The following SLC27A6 variants were observed in gnomAD, a reference collection of about 807,000 sequenced individuals.
The protein encoded by SLC27A6 is long-chain fatty acid transport protein 6.
In SLC27A6, 74 loss-of-function variants were observed where a neutral mutation model predicts 63.9. The observed-to-expected ratio is 1.16, with a 90% confidence interval of 0.96 to 1.40. The LOEUF is 1.40. Ranked by LOEUF, SLC27A6 falls within the 40% of genes most tolerant of loss-of-function variation. SLC27A6 has a pLI of 0.00. For synonymous variants in SLC27A6, 287 were observed against 260.8 expected (o/e 1.10, Z -0.97); for missense variants, 794 against 732.9 (o/e 1.08, Z -0.96).
At chr5:128,985,774 G>A (rs563403451) in intron 2 of SLC27A6, among the ~76,000 whole-genome samples, 5 of 152,136 alleles carry the variant, frequency 3.3e-5, no homozygotes, top group African/African-American at 4.8e-5. Flanking sequence ...GTGTTTTAAT[G>A]TACTTGAAAA....
chr5:129,031,709 T>C (rs140113102), intron 9 of SLC27A6, among the ~76,000 whole-genome samples: 3 of 152,142 alleles, frequency 2.0e-5, no homozygotes, highest in Non-Finnish European at 4.4e-5. Flanking sequence ...TGAGACCTTA[T>C]AAAACAATTT....
intron 4 of SLC27A6, among the ~76,000 whole-genome samples, chr5:129,012,587 C>T (rs1751760929): frequency 6.6e-6 from 1 of 152,038 alleles, no homozygotes; most frequent in Admixed American, 6.6e-5. Context: ...TATTTTAGCT[C>T]TGTCCATTTT....
chr5:129,017,615 A>G (rs1283848111), intron 5 of SLC27A6, among the ~76,000 whole-genome samples: 1 of 152,138 alleles, frequency 6.6e-6, no homozygotes, highest in Non-Finnish European at 1.5e-5. Context: ...TTAAAAAGTA[A>G]ATCGATTCTG....
intron 4 of SLC27A6, among the ~76,000 whole-genome samples, chr5:129,000,654 CA>C (rs1419790931): frequency 2.0e-5 from 3 of 152,164 alleles, no homozygotes; most frequent in Admixed American, 1.3e-4. Flanking sequence ...TGGGACCCTG[CA>C]CTTTTTGGAA....
intron 1 of SLC27A6, among the ~76,000 whole-genome samples, chr5:128,978,272 T>G (rs1321944550): frequency 6.6e-6 from 1 of 152,220 alleles, no homozygotes; most frequent in Non-Finnish European, 1.5e-5. Flanking sequence ...AAAGTGGAAT[T>G]GACAGTCTCA....
chr5:128,972,860 A>T (rs1750232045), intron 1 of SLC27A6, among the ~76,000 whole-genome samples: 1 of 152,196 alleles, frequency 6.6e-6, no homozygotes, highest in Admixed American at 6.5e-5. Context: ...TCTGATTTTT[A>T]GAATTTTCAG....
intron 6 of SLC27A6, 23 bp from the exon 7 acceptor site, chr5:129,027,109 CA>C (rs1337297396): frequency 2.5e-6 from 4 of 1,601,230 alleles, no homozygotes; most frequent in Non-Finnish European, 3.4e-6. Context: ...CAGATGGCTG[CA>C]AAAATGTCGT....
chr5:129,014,747 C>G (rs1167177486), intron 4 of SLC27A6, among the ~76,000 whole-genome samples: 1 of 152,160 alleles, frequency 6.6e-6, no homozygotes, highest in Non-Finnish European at 1.5e-5. Context: ...AATTTCCTGC[C>G]AAGCTTTCTG....
intron 4 of SLC27A6, 120 bp from the exon 5 acceptor site, chr5:129,015,765 A>C (rs1751869955): frequency 5.9e-6 from 4 of 673,262 alleles, no homozygotes; most frequent in Admixed American, 6.5e-5. Flanking sequence ...CACATATTTT[A>C]ACTTCCCTTC....
chr5:128,973,972 G>A (rs961291699), intron 1 of SLC27A6, among the ~76,000 whole-genome samples: 1 of 152,178 alleles, frequency 6.6e-6, no homozygotes, highest in Non-Finnish European at 1.5e-5. Context: ...GGGAGGAAAG[G>A]GTCTAGGAGC....
rs1176867703 is a variant in SLC27A6, at chr5:129,017,501, A to T, written c.1164+1422A>T. On this transcript the variant is annotated intron_variant, in intron 5 of 9. Transcript: ENST00000262462. ...GTTAATTTTTAAAAGGACAACTAAA[A>T]TAAACTCAAAGGAAATAAAAGGAAG... Among the ~76,000 whole-genome samples the T allele has an allele frequency of 4.6e-5, 7 of 152,270 alleles. No individual in the cohort carries two copies. In the East Asian group the frequency reaches 1.3e-3, roughly 29 times the overall value.
chr5:128,967,917 C>G (rs1047316493), intron 1 of SLC27A6, among the ~76,000 whole-genome samples: 1 of 152,034 alleles, frequency 6.6e-6, no homozygotes, highest in African/African-American at 2.4e-5. Flanking sequence ...CCCACTCCCC[C>G]CACCCCACGA....
At chr5:129,023,163 C>CT (rs1003191004) in intron 5 of SLC27A6, among the ~76,000 whole-genome samples, 32 of 147,474 alleles carry the variant, frequency 2.2e-4, no homozygotes, top group Non-Finnish European at 2.9e-4. Flanking sequence ...TGTGTTTTGA[C>CT]TTTTTTTTTT....
intron 5 of SLC27A6, among the ~76,000 whole-genome samples, chr5:129,018,629 T>C (rs1751982272): frequency 6.6e-6 from 1 of 152,118 alleles, no homozygotes; most frequent in Admixed American, 6.6e-5. Context: ...CTGGTTCCAT[T>C]ACAAATTTGG....
chr5:129,013,664 G>GAGGTTTT (rs1354412584), intron 4 of SLC27A6, among the ~76,000 whole-genome samples: 1 of 151,992 alleles, frequency 6.6e-6, no homozygotes, highest in Non-Finnish European at 1.5e-5. Context: ...TAACCTGTCT[G>GAGGTTTT]AGGTTTTAGG....
At chr5:129,020,273 A>G (rs1343285456) in intron 5 of SLC27A6, among the ~76,000 whole-genome samples, 3 of 152,212 alleles carry the variant, frequency 2.0e-5, no homozygotes, top group African/African-American at 7.2e-5. Flanking sequence ...GCATATTTAT[A>G]GGAATGCAAT....
At position 128,966,303 on chromosome 5, in the gene SLC27A6, GT is replaced by G. The variant is rs1561605430; in HGVS notation, c.167del (p.Val56GlyfsTer6). The stretch of plus-strand genomic sequence containing the variant: ...TGAAAAGAGAGGGGAGCTGGTGACT[GT>G]GCTGGATAAATTCTTGAGTCATGCC... ...KYEKRGELVTVLDKFLSHAKR... is the reference protein window; with the variant it reads ...KYEKRGELVTXLDKFLSHAKR... On this transcript the variant is annotated frameshift_variant, in exon 1 of 10. Coordinates refer to ENST00000262462, the MANE Select transcript of SLC27A6 (RefSeq NM_001017372.3). LOFTEE classifies it high-confidence loss of function. The G allele has an allele frequency of 1.2e-6, 2 of 1,613,682 alleles. No individual in the cohort carries two copies. Among genetic ancestry groups the G allele is most frequent in the Non-Finnish European group, 1.7e-6 (2 of 1,179,568 alleles).
chr5:129,023,761 G>A lies in SLC27A6; in HGVS notation c.1255+51G>A, dbSNP rs755936413. 259 of 1,283,826 alleles carry A rather than the reference G, an allele frequency of 2.0e-4. 1 individual carries two copies. In the South Asian group the frequency reaches 3.1e-3, roughly 15 times the overall value. 79.5% of individuals were successfully genotyped at this position (1,283,826 alleles called of 1,614,324 possible). A position where few individuals can be genotyped will look rare whatever the true frequency, so the allele number is the denominator to read the frequency against. On this transcript the variant is annotated intron_variant, in intron 6 of 9. Coordinates refer to ENST00000262462, the MANE Select transcript of SLC27A6 (RefSeq NM_001017372.3). ...CCTCAAGCAAAGTTTCTGATCTCCT[G>A]TATACAGACATCCCTTGGTATCCTT...
intron 5 of SLC27A6, among the ~76,000 whole-genome samples, chr5:129,020,909 G>T (rs1752053527): frequency 6.6e-6 from 1 of 152,052 alleles, no homozygotes; most frequent in Admixed American, 6.6e-5. Context: ...GAAGCTTCCA[G>T]TTATGCTGTG....
Sources: allele counts gnomAD v4.1 joint callset (sites outside exome capture counted in the v4.1 genomes callset), GRCh38; gene constraint gnomAD v4.1.1; transcripts MANE v1.5; gene names NCBI Gene and HGNC (gene_info 2026-07-23, HGNC 2026-07-21).